SEPTIN7: variants seen among roughly 807,000 people sequenced by gnomAD.
SEPTIN7 encodes the protein septin-7.
Under a neutral mutation model 63.3 loss-of-function variants are expected in SEPTIN7, and 10 were observed. The ratio of observed to expected loss-of-function variants is 0.16; its 90% confidence interval spans 0.10 to 0.27. The LOEUF is 0.27. Among genes scored for constraint, SEPTIN7 ranks in the 10% least tolerant of loss-of-function variants. SEPTIN7 has a pLI of 1.00. For synonymous variants in SEPTIN7, 131 were observed against 165.3 expected, an observed-to-expected ratio of 0.79 and a Z score of 1.59; for missense variants, 310 against 521.0, an observed-to-expected ratio of 0.59 and a Z score of 3.94.
At chr7:35,892,702 T>C (rs1445649620) in intron 11 of SEPTIN7, among the ~76,000 whole-genome samples, 2 of 152,224 alleles carry the variant, frequency 1.3e-5, no homozygotes, top group Middle Eastern at 3.4e-3. Context: ...TATCATTAAG[T>C]TTCTTTCTGC....
At chr7:35,865,786 C>T (rs995735536) in intron 4 of SEPTIN7, among the ~76,000 whole-genome samples, 2 of 151,886 alleles carry the variant, frequency 1.3e-5, no homozygotes, top group Admixed American at 6.6e-5. Context: ...CTAATAATCC[C>T]CTACATTTTA....
chr7:35,822,082 A>G (rs1232232864), intron 1 of SEPTIN7, among the ~76,000 whole-genome samples: 1 of 143,732 alleles, frequency 7.0e-6, no homozygotes, highest in Non-Finnish European at 1.5e-5. Flanking sequence ...GCCTCATTTT[A>G]TTTTTTTAAC....
At chr7:35,890,576 T>C in intron 10 of SEPTIN7, 92 bp from the exon 11 acceptor site, 1 of 1,157,232 alleles carries the variant, frequency 8.6e-7, no homozygotes, top group Non-Finnish European at 1.1e-6. Context: ...AATTTTTGTT[T>C]TGGTAAAATT....
chr7:35,847,481 T>A (rs1784737342), intron 3 of SEPTIN7: 1 of 153,514 alleles, frequency 6.5e-6, no homozygotes. Context: ...TCAAATTTGG[T>A]ATTTGCTAAT....
chr7:35,865,954 G>A (rs931774778), intron 4 of SEPTIN7, among the ~76,000 whole-genome samples: 3 of 152,138 alleles, frequency 2.0e-5, no homozygotes, highest in African/African-American at 7.2e-5. Flanking sequence ...CTCTTCTGTT[G>A]TGAATATCTT....
chr7:35,838,351 TCCCTCCCTCCCTCCTCCCTCCCTCCCTC>T (rs1784231177), intron 3 of SEPTIN7, among the ~76,000 whole-genome samples: 7 of 11,532 alleles, frequency 6.1e-4, no homozygotes, highest in East Asian at 1.5e-3. Context: ...CCTCCCTCCC[TCCCTCCCTCCCTCCTCCCTCCCTCCCTC>T]CCTCCCTCCC....
intron 3 of SEPTIN7, among the ~76,000 whole-genome samples, chr7:35,839,298 T>TC (rs1784284860): frequency 4.6e-5 from 7 of 152,212 alleles, no homozygotes; most frequent in Admixed American, 4.6e-4. Context: ...GTGTTTATCT[T>TC]CCATATTTTA....
downstream of SEPTIN7, among the ~76,000 whole-genome samples, chr7:35,907,852 C>T (rs575509697): frequency 1.3e-5 from 2 of 152,332 alleles, no homozygotes; most frequent in East Asian, 3.9e-4. Context: ...ATAAAACAGA[C>T]CCCATGCCTT....
intron 3 of SEPTIN7, 81 bp downstream of exon 3, chr7:35,832,981 A>C: frequency 1.2e-6 from 1 of 802,228 alleles, no homozygotes; most frequent in South Asian, 1.4e-5. Context: ...TTAAGAAAAC[A>C]CTGGCACAGA....
intron 4 of SEPTIN7, among the ~76,000 whole-genome samples, chr7:35,868,871 A>G (rs1180323024): frequency 2.0e-5 from 3 of 152,206 alleles, no homozygotes; most frequent in South Asian, 2.1e-4. Flanking sequence ...CATGGAAGGT[A>G]CAGTGCTGAT....
intron 3 of SEPTIN7, among the ~76,000 whole-genome samples, chr7:35,859,751 T>G (rs1052367073): frequency 6.6e-6 from 1 of 152,212 alleles, no homozygotes; most frequent in Admixed American, 6.5e-5. Flanking sequence ...CCTTTGTCTT[T>G]GATGATAGTT....
chr7:35,823,222 AC>A (rs1783319918), intron 1 of SEPTIN7, among the ~76,000 whole-genome samples: 1 of 152,108 alleles, frequency 6.6e-6, no homozygotes, highest in Non-Finnish European at 1.5e-5. Context: ...TTTTTTCGAG[AC>A]AGAGTTTCGC....
intron 6 of SEPTIN7, among the ~76,000 whole-genome samples, chr7:35,876,962 T>TA (rs1786509502): frequency 6.6e-6 from 1 of 150,948 alleles, no homozygotes; most frequent in Non-Finnish European, 1.5e-5. Flanking sequence ...AGAGTGAAAC[T>TA]AAAAAAAGAA....
At position 35,906,913 on chromosome 7, in the gene SEPTIN7, G is replaced by T. The variant is rs1182435665; in HGVS notation, c.*2620G>T. On this transcript the variant is annotated 3_prime_UTR_variant, in exon 14 of 14. Coordinates refer to ENST00000350320, the MANE Select transcript of SEPTIN7 (RefSeq NM_001788.6). Reference sequence around the variant, plus strand: ...TGATAGCTATGAATGCATGAGGAGCGAAATGTTGACTCAGTTATCTAGATC... The same window carrying T: ...TGATAGCTATGAATGCATGAGGAGCTAAATGTTGACTCAGTTATCTAGATC... 1 of 152,214 alleles carries T rather than the reference G, an allele frequency of 6.6e-6. No homozygotes were observed. Among genetic ancestry groups the T allele is most frequent in the African/African-American group, 2.4e-5 (1 of 41,456 alleles). The allele number at this position is 152,214 out of a possible 1,614,324, so 9.4% of individuals were successfully genotyped here.
intron 13 of SEPTIN7, among the ~76,000 whole-genome samples, chr7:35,904,020 A>G (rs1328488955): frequency 1.3e-5 from 2 of 152,012 alleles, no homozygotes; most frequent in African/African-American, 4.8e-5. Context: ...GTTTTGCCTT[A>G]TTTTTTTACT....
chr7:35,810,705 T>C (rs890135491), intron 1 of SEPTIN7, among the ~76,000 whole-genome samples: 1 of 152,170 alleles, frequency 6.6e-6, no homozygotes. Flanking sequence ...AGTGTTTCTT[T>C]GCAGGAGTGA....
In SEPTIN7 at chr7:35,895,645, C is replaced by T. The variant is rs575709728; in HGVS notation, c.999-2603C>T. Among the ~76,000 whole-genome samples, 23 of 152,218 alleles carry T rather than the reference C, an allele frequency of 1.5e-4. 1 individual carries two copies. In the South Asian group the frequency reaches 4.8e-3, roughly 32 times the overall value. ...TTTACTGTAAATTTTTTATTTAGGGCACATACCTTAATAATTTGTGAAAGC... is the reference window on the plus strand; with the variant it reads ...TTTACTGTAAATTTTTTATTTAGGGTACATACCTTAATAATTTGTGAAAGC... On this transcript the variant is annotated intron_variant, in intron 11 of 13. Coordinates refer to ENST00000350320, the MANE Select transcript of SEPTIN7 (RefSeq NM_001788.6).
intron 3 of SEPTIN7, among the ~76,000 whole-genome samples, chr7:35,850,010 T>C (rs1209525929): frequency 6.6e-6 from 1 of 152,234 alleles, no homozygotes; most frequent in Non-Finnish European, 1.5e-5. Context: ...TTAATTTTCT[T>C]TTTAGGGACA....
chr7:35,871,341 C>T (rs1019128901), intron 4 of SEPTIN7, among the ~76,000 whole-genome samples: 3 of 152,034 alleles, frequency 2.0e-5, no homozygotes, highest in African/African-American at 7.3e-5. Flanking sequence ...TGCTGTAGAC[C>T]TCTGCTGTGT....
Sources: allele counts gnomAD v4.1 joint callset (sites outside exome capture counted in the v4.1 genomes callset), GRCh38; gene constraint gnomAD v4.1.1; transcripts MANE v1.5; gene names NCBI Gene and HGNC (gene_info 2026-07-23, HGNC 2026-07-21).